Variants in PHACTR1 observed in about 807,000 individuals in gnomAD.
PHACTR1 encodes the protein RPEL repeat containing 1.
Under a neutral mutation model 69.2 loss-of-function variants are expected in PHACTR1, and 16 were observed. The observed-to-expected ratio is 0.23, with a 90% CI of 0.16 to 0.35. The LOEUF (loss-of-function observed/expected upper bound fraction) is 0.35. Ranked by LOEUF, PHACTR1 falls within the 10% of genes least tolerant of loss-of-function variation. The pLI is 1.00. For missense variants in PHACTR1, 510 were observed against 734.7 expected, an observed-to-expected ratio of 0.69 and a Z score of 3.54; for synonymous variants, 312 against 284.5, an observed-to-expected ratio of 1.10 and a Z score of -0.97.
At chr6:13,260,440 G>A (rs1398299) in intron 10 of PHACTR1, among the ~76,000 whole-genome samples, 5,478 of 152,226 alleles carry the variant, frequency 0.036, 280 homozygotes, top group African/African-American at 0.12. Flanking sequence ...AATGTCAGGC[G>A]GTGGAAGGCT....
chr6:12,777,241 A>ATAT (rs935217184), intron 4 of PHACTR1, among the ~76,000 whole-genome samples: 2 of 134,140 alleles, frequency 1.5e-5, no homozygotes, highest in Non-Finnish European at 3.3e-5. Flanking sequence ...ATATATATAT[A>ATAT]TTTTTTTAAT....
rs140064654 is a variant in PHACTR1 at position 12,731,306 on chromosome 6, G to A, written c.103+12459G>A. On this transcript the variant is annotated intron_variant, in intron 3 of 14. Transcript: ENST00000332995. Reference sequence around the variant, plus strand: ...TGGGATTACAGGTGTGAGCCACCATGCCCGGCCATATTACCTTTTTAAAAC... The same window carrying A: ...TGGGATTACAGGTGTGAGCCACCATACCCGGCCATATTACCTTTTTAAAAC... Among the ~76,000 whole-genome samples, 395 of 152,236 alleles carry A rather than the reference G, an allele frequency of 2.6e-3. 11 individuals are homozygous for A. The East Asian group carries it at 0.029, about 11-fold the overall frequency.
rs1777273243 is a variant in PHACTR1 at position 13,269,266 on chromosome 6, AAG to A, written c.1392-3593_1392-3592del. On this transcript the variant is annotated intron_variant, in intron 10 of 14. Coordinates refer to ENST00000332995, the MANE Select transcript of PHACTR1 (RefSeq NM_030948.6). ...GCTGCGCATCTCTTATAAAAGCAGC[AAG>A]TATTTTTAGGGAAAATAAACTGGCA... Among the ~76,000 whole-genome samples, 4 of 152,366 alleles carry A rather than the reference AAG, an allele frequency of 2.6e-5. No homozygotes were observed. The South Asian group carries it at 6.2e-4, about 24-fold the overall frequency.
intron 4 of PHACTR1, among the ~76,000 whole-genome samples, chr6:12,815,735 C>G (rs1348259600): frequency 1.3e-5 from 2 of 152,218 alleles, no homozygotes. Context: ...TTCTTCTTCT[C>G]TCTGTATAAA....
chr6:13,154,006 A>G (rs1354179503), intron 5 of PHACTR1, among the ~76,000 whole-genome samples: 1 of 152,198 alleles, frequency 6.6e-6, no homozygotes, highest in African/African-American at 2.4e-5. Flanking sequence ...TTTACATACC[A>G]TAAAATGAAC....
chr6:12,896,036 G>C (rs929342186), intron 4 of PHACTR1, among the ~76,000 whole-genome samples: 4 of 152,208 alleles, frequency 2.6e-5, no homozygotes, highest in African/African-American at 9.7e-5. Flanking sequence ...CAGATCCAGT[G>C]CTGCAAGTTC....
At chr6:13,238,676 G>A (rs558973979) in intron 10 of PHACTR1, among the ~76,000 whole-genome samples, 1 of 152,278 alleles carries the variant, frequency 6.6e-6, no homozygotes, top group South Asian at 2.1e-4. Flanking sequence ...TATGGTTGGG[G>A]AAAATTGGTG....
chr6:12,870,811 G>A (rs977029959), intron 4 of PHACTR1, among the ~76,000 whole-genome samples: 2 of 152,200 alleles, frequency 1.3e-5, no homozygotes, highest in African/African-American at 4.8e-5. Context: ...GGACTGGTGA[G>A]TTGGGAAGCT....
chr6:13,042,191 C>G (rs555951506), intron 4 of PHACTR1, among the ~76,000 whole-genome samples: 1 of 152,114 alleles, frequency 6.6e-6, no homozygotes, highest in Non-Finnish European at 1.5e-5. Context: ...AAATGTTATA[C>G]CCCACCTACA....
intron 4 of PHACTR1, among the ~76,000 whole-genome samples, chr6:13,017,066 A>G (rs1228979826): frequency 6.6e-6 from 1 of 151,916 alleles, no homozygotes. Context: ...CATACCTGTA[A>G]TCCCAGCTAC....
In PHACTR1 at chr6:13,131,136, TACATATATATAC is replaced by T. The variant is rs753805952; in HGVS notation, c.416-29057_416-29046del. Among the ~76,000 whole-genome samples the T allele has an allele frequency of 2.8e-3, 429 of 151,536 alleles. 3 individuals are homozygous for T. Among genetic ancestry groups the T allele is most frequent in the Middle Eastern group, 6.8e-3 (2 of 292 alleles). The stretch of plus-strand genomic sequence containing the variant: ...TTTATGATCAAAACTACCATATATA[TACATATATATAC>T]ACATATATATGTATATATATGTGTG... On this transcript the variant is annotated intron_variant, in intron 5 of 14. Coordinates refer to ENST00000332995, the MANE Select transcript of PHACTR1 (RefSeq NM_030948.6).
At chr6:12,738,604 T>G (rs1310144253) in intron 3 of PHACTR1, among the ~76,000 whole-genome samples, 1 of 152,184 alleles carries the variant, frequency 6.6e-6, no homozygotes, top group Non-Finnish European at 1.5e-5. Context: ...GGCTCACTCC[T>G]GTAATCCTAG....
At chr6:12,860,326 A>G (rs536280891) in intron 4 of PHACTR1, among the ~76,000 whole-genome samples, 1 of 152,102 alleles carries the variant, frequency 6.6e-6, no homozygotes, top group Admixed American at 6.5e-5. Flanking sequence ...AAGGACATGA[A>G]CTCATTCTTT....
chr6:12,720,516 G>A (rs1457847331), intron 3 of PHACTR1, among the ~76,000 whole-genome samples: 1 of 152,176 alleles, frequency 6.6e-6, no homozygotes, highest in African/African-American at 2.4e-5. Context: ...GGTCAGAATT[G>A]TCACCATCAG....
chr6:13,149,818 A>AT (rs942016326), intron 5 of PHACTR1, among the ~76,000 whole-genome samples: 5 of 138,186 alleles, frequency 3.6e-5, no homozygotes, highest in South Asian at 2.4e-4. Context: ...AAGTTACGAG[A>AT]TTTTTTTTTG....
At chr6:12,846,047 A>C (rs921865178) in intron 4 of PHACTR1, among the ~76,000 whole-genome samples, 6 of 151,346 alleles carry the variant, frequency 4.0e-5, no homozygotes, top group Non-Finnish European at 8.8e-5. Context: ...TGATAACGAT[A>C]CTGAAGCCAT....
chr6:13,025,957 T>C (rs9381636), intron 4 of PHACTR1, among the ~76,000 whole-genome samples: 74,561 of 151,948 alleles, frequency 0.49, 20,520 homozygotes, highest in East Asian at 0.83. Flanking sequence ...CTTAACATTG[T>C]TGATGGTTCC....
At chr6:12,723,488 CTT>C (rs1180252640) in intron 3 of PHACTR1, among the ~76,000 whole-genome samples, 25 of 128,110 alleles carry the variant, frequency 2.0e-4, no homozygotes, top group Non-Finnish European at 1.8e-4. Context: ...TTGGCCTTTT[CTT>C]TTTTTTTTTT....
chr6:13,277,146 C>G (rs981880628), intron 11 of PHACTR1, among the ~76,000 whole-genome samples: 2 of 152,294 alleles, frequency 1.3e-5, no homozygotes, highest in African/African-American at 4.8e-5. Flanking sequence ...AATGGTCTAC[C>G]CCAGGTCATC....
Sources: allele counts gnomAD v4.1 joint callset (sites outside exome capture counted in the v4.1 genomes callset), GRCh38; gene constraint gnomAD v4.1.1; transcripts MANE v1.5; gene names NCBI Gene and HGNC (gene_info 2026-07-23, HGNC 2026-07-21).